Variants in MAP2 observed in about 807,000 individuals in gnomAD.
The protein encoded by MAP2 is microtubule-associated protein 2.
Under a neutral mutation model 137.6 loss-of-function variants are expected in MAP2, and 14 were observed. The ratio of observed to expected loss-of-function variants is 0.10; its 90% CI spans 0.07 to 0.16. The LOEUF (loss-of-function observed/expected upper bound fraction) is 0.16. Ranked by LOEUF, MAP2 falls within the 10% of genes least tolerant of loss-of-function variation. MAP2 has a pLI of 1.00. For synonymous variants in MAP2, 786 were observed against 782.3 expected (o/e 1.00, Z -0.08); for missense variants, 2,088 against 2,191.5 (o/e 0.95, Z 0.94).
chr2:209,509,050 T>C (rs1343813192), intron 2 of MAP2, among the ~76,000 whole-genome samples: 7 of 151,974 alleles, frequency 4.6e-5, no homozygotes, highest in Admixed American at 4.6e-4. Context: ...AGAGTTAAGT[T>C]TTAATTATAA....
intron 4 of MAP2, 54 bp downstream of exon 4, chr2:209,625,183 T>TTGC (rs1378649471): frequency 6.6e-6 from 1 of 152,204 alleles, no homozygotes; most frequent in African/African-American, 2.4e-5. Flanking sequence ...AAATAACTCT[T>TTGC]TGCTAACCTT....
At chr2:209,730,036 G>T in intron 15 of MAP2, 74 bp downstream of exon 15, 1 of 1,234,620 alleles carries the variant, frequency 8.1e-7, no homozygotes, top group Non-Finnish European at 1.2e-6. Flanking sequence ...ATCAAAATAG[G>T]TCCCAGATTG....
intron 1 of MAP2, among the ~76,000 whole-genome samples, chr2:209,444,473 G>A (rs114462894): frequency 2.7e-3 from 410 of 151,600 alleles, no homozygotes; most frequent in African/African-American, 9.5e-3. Context: ...ATTCCAATTA[G>A]ATTCAGTAAG....
chr2:209,677,199 A>T (rs4392185), intron 5 of MAP2, among the ~76,000 whole-genome samples: 7,017 of 151,950 alleles, frequency 0.046, 218 homozygotes, highest in African/African-American at 0.09. Context: ...TGTTAATGTT[A>T]TTTATTTAAC....
chr2:209,581,943 A>G (rs905106995), intron 3 of MAP2, among the ~76,000 whole-genome samples: 7 of 152,068 alleles, frequency 4.6e-5, no homozygotes, highest in African/African-American at 1.4e-4. Context: ...GTTTATTAAA[A>G]TAGTAGGTTG....
intron 2 of MAP2, among the ~76,000 whole-genome samples, chr2:209,513,095 T>C (rs1222384856): frequency 6.6e-6 from 1 of 152,118 alleles, no homozygotes; most frequent in Non-Finnish European, 1.5e-5. Flanking sequence ...AAAAAAAGTG[T>C]AGAAAATGCT....
At chr2:209,549,443 T>C (rs2068727352) in intron 2 of MAP2, among the ~76,000 whole-genome samples, 1 of 152,202 alleles carries the variant, frequency 6.6e-6, no homozygotes, top group Non-Finnish European at 1.5e-5. Context: ...AAGTGTTTAT[T>C]GAAATCCTCT....
intron 2 of MAP2, among the ~76,000 whole-genome samples, chr2:209,534,024 C>T (rs374384320): frequency 4.6e-5 from 7 of 152,146 alleles, no homozygotes; most frequent in Admixed American, 2.0e-4. Context: ...TTCAAAGGGC[C>T]GTCCAGCAGC....
chr2:209,518,689 C>A (rs2062861151), intron 2 of MAP2, among the ~76,000 whole-genome samples: 1 of 151,844 alleles, frequency 6.6e-6, no homozygotes, highest in Admixed American at 6.6e-5. Flanking sequence ...ATTTTTCATT[C>A]TCTCTTCATG....
chr2:209,642,641 G>T (rs2094128291), intron 4 of MAP2, among the ~76,000 whole-genome samples: 1 of 152,048 alleles, frequency 6.6e-6, no homozygotes, highest in African/African-American at 2.4e-5. Flanking sequence ...ATTAGTCATG[G>T]TATGTGATGA....
At chr2:209,691,536 T>C (rs1312639276) in intron 7 of MAP2, among the ~76,000 whole-genome samples, 1 of 152,228 alleles carries the variant, frequency 6.6e-6, no homozygotes, top group East Asian at 1.9e-4. Flanking sequence ...CTTGCTCTTT[T>C]AGAGATGATT....
intron 1 of MAP2, among the ~76,000 whole-genome samples, chr2:209,434,874 T>TTATATATATATATGTTA (rs199921912): frequency 3.2e-5 from 3 of 93,178 alleles, no homozygotes; most frequent in East Asian, 5.1e-4. Context: ...TATATATATG[T>TTATATATATATATGTTA]TATATATATG....
At chr2:209,434,248 G>A (rs957730443) in intron 1 of MAP2, among the ~76,000 whole-genome samples, 1 of 151,838 alleles carries the variant, frequency 6.6e-6, no homozygotes, top group Non-Finnish European at 1.5e-5. Flanking sequence ...TTGATTTATT[G>A]TACTTTCGGC....
chr2:209,609,189 A>G (rs2085910894), intron 3 of MAP2, among the ~76,000 whole-genome samples: 1 of 152,060 alleles, frequency 6.6e-6, no homozygotes, highest in Non-Finnish European at 1.5e-5. Flanking sequence ...TTCTGAATAT[A>G]CATTTTCCCA....
intron 2 of MAP2, among the ~76,000 whole-genome samples, chr2:209,560,599 G>C (rs75474464): frequency 0.02 from 2,983 of 151,568 alleles, 96 homozygotes; most frequent in African/African-American, 0.068. Context: ...CCACCCCTCA[G>C]GCTCTCAAAG....
chr2:209,573,515 A>G (rs2074793883), intron 2 of MAP2, among the ~76,000 whole-genome samples: 1 of 151,810 alleles, frequency 6.6e-6, no homozygotes, highest in Non-Finnish European at 1.5e-5. Flanking sequence ...GCTGGTTTCG[A>G]ACTCCTGACC....
At chr2:209,686,825 G>A (rs1033575297) in intron 7 of MAP2, among the ~76,000 whole-genome samples, 9 of 152,220 alleles carry the variant, frequency 5.9e-5, no homozygotes, top group South Asian at 4.1e-4. Flanking sequence ...AAACAGCCAA[G>A]AGCCAGTGGT....
chr2:209,560,562 C>T (rs56676438), intron 2 of MAP2, among the ~76,000 whole-genome samples: 8,099 of 150,466 alleles, frequency 0.054, 492 homozygotes, highest in South Asian at 0.23. Flanking sequence ...CCTCTGCAGG[C>T]TTGACCTCCT....
intron 4 of MAP2, among the ~76,000 whole-genome samples, chr2:209,632,666 T>A (rs2153555371): frequency 6.6e-6 from 1 of 152,246 alleles, no homozygotes; most frequent in South Asian, 2.1e-4. Flanking sequence ...CCCTCTGTGC[T>A]CTTCCTGGCA....
Sources: allele counts gnomAD v4.1 joint callset (sites outside exome capture counted in the v4.1 genomes callset), GRCh38; gene constraint gnomAD v4.1.1; transcripts MANE v1.5; gene names NCBI Gene and HGNC (gene_info 2026-07-23, HGNC 2026-07-21).